The following ADCK1 variants were observed in gnomAD, a reference collection of about 807,000 sequenced individuals.
ADCK1 encodes aarF domain-containing protein kinase 1.
ADCK1 carries 41 observed loss-of-function variants against 52.3 expected under a neutral mutation model. The observed-to-expected ratio is 0.78, with a 90% CI of 0.61 to 1.02. The LOEUF (loss-of-function observed/expected upper bound fraction) is 1.02, where lower values mean the gene tolerates loss of function less well. Among genes scored for constraint, ADCK1 ranks in the 50% least tolerant of loss-of-function variants. The pLI, the probability that ADCK1 is intolerant of heterozygous loss-of-function variation, is 0.00. For synonymous variants in ADCK1, 250 were observed against 274.6 expected (o/e 0.91, Z 0.89); for missense variants, 658 against 679.5 (o/e 0.97, Z 0.35).
chr14:77,903,575 A>T (rs1239808996), intron 6 of ADCK1, among the ~76,000 whole-genome samples: 1 of 152,228 alleles, frequency 6.6e-6, no homozygotes, highest in African/African-American at 2.4e-5. Flanking sequence ...CGTATGTGCC[A>T]GGGGATGGAA....
At chr14:77,871,694 G>C (rs1001720591) in intron 4 of ADCK1, among the ~76,000 whole-genome samples, 1 of 152,106 alleles carries the variant, frequency 6.6e-6, no homozygotes, top group Admixed American at 6.5e-5. Context: ...GAAGTCCCAG[G>C]GAGTCTCTGG....
chr14:77,865,456 C>T (rs912298599), intron 4 of ADCK1, among the ~76,000 whole-genome samples: 16 of 152,182 alleles, frequency 1.1e-4, no homozygotes, highest in African/African-American at 3.6e-4. Context: ...GCACTCCAGC[C>T]TGGGTGACAG....
chr14:77,865,101 G>A (rs2082634695), intron 4 of ADCK1, among the ~76,000 whole-genome samples: 1 of 151,630 alleles, frequency 6.6e-6, no homozygotes, highest in African/African-American at 2.4e-5. Context: ...GGGCAATATA[G>A]GGAGACCCCA....
chr14:77,849,577 G>T (rs138142900), intron 3 of ADCK1, among the ~76,000 whole-genome samples: 10 of 152,050 alleles, frequency 6.6e-5, no homozygotes, highest in African/African-American at 2.4e-4. Context: ...TCAAGTAGCT[G>T]GGACTACAGG....
chr14:77,818,121 C>T (rs1251996648), intron 1 of ADCK1, among the ~76,000 whole-genome samples: 1 of 152,204 alleles, frequency 6.6e-6, no homozygotes, highest in Non-Finnish European at 1.5e-5. Flanking sequence ...TCCTGAGTAG[C>T]CGCCATTTTG....
intron 1 of ADCK1, among the ~76,000 whole-genome samples, chr14:77,807,290 G>A (rs1416857828): frequency 1.3e-5 from 2 of 148,652 alleles, no homozygotes; most frequent in African/African-American, 2.5e-5. Flanking sequence ...GGATGGTCTC[G>A]ATCTCCTGAC....
intron 9 of ADCK1, among the ~76,000 whole-genome samples, chr14:77,931,267 T>C (rs1275278782): frequency 1.3e-5 from 2 of 152,202 alleles, no homozygotes; most frequent in African/African-American, 4.8e-5. Context: ...TCGCAATGTA[T>C]ACTGTGTCAC....
intron 4 of ADCK1, among the ~76,000 whole-genome samples, chr14:77,871,053 T>C (rs879326615): frequency 6.6e-6 from 1 of 152,228 alleles, no homozygotes; most frequent in Non-Finnish European, 1.5e-5. Flanking sequence ...ACAATGAACA[T>C]ACTGGCCAAC....
Position 77,899,125 on chromosome 14 carries a change from T to C in ADCK1, c.608T>C (p.Leu203Pro). The C allele has an allele frequency of 6.2e-7, 1 of 1,614,082 alleles. No homozygotes were observed. The highest frequency in any genetic ancestry group is 8.5e-7 in the Non-Finnish European group (1 of 1,180,036). Residue 203 changes from leucine to proline, a missense_variant, in exon 6 of 11, where the codon CTG becomes CCG. Coordinates refer to ENST00000238561, the MANE Select transcript of ADCK1 (RefSeq NM_020421.4). Reference sequence around the variant, plus strand: ...GTGCTCGTTCTGGCTGTGAAGCAGCTGTTCCCAGAGTTTGAGTTTATGTGG... The same window carrying C: ...GTGCTCGTTCTGGCTGTGAAGCAGCCGTTCCCAGAGTTTGAGTTTATGTGG... ...MEVLVLAVKQ[L>P]FPEFEFMWLV...
chr14:77,837,850 T>C (rs1469233120), intron 3 of ADCK1, among the ~76,000 whole-genome samples: 1 of 152,210 alleles, frequency 6.6e-6, no homozygotes, highest in East Asian at 1.9e-4. Context: ...TATTAACATG[T>C]TGACAAAGTT....
intron 1 of ADCK1, among the ~76,000 whole-genome samples, chr14:77,800,555 G>A (rs1243437301): frequency 6.6e-6 from 1 of 152,258 alleles, no homozygotes; most frequent in Non-Finnish European, 1.5e-5. Flanking sequence ...TGTGAGTTCC[G>A]AGGCAGAAGC....
intron 10 of ADCK1, 106 bp from the exon 11 acceptor site, chr14:77,933,114 C>G: frequency 8.5e-7 from 1 of 1,177,282 alleles, no homozygotes; most frequent in South Asian, 1.5e-5. Context: ...GGGCAGGGAG[C>G]TGGTGAGTTG....
At chr14:77,835,011 C>T (rs1380217476) in intron 3 of ADCK1, among the ~76,000 whole-genome samples, 1 of 152,162 alleles carries the variant, frequency 6.6e-6, no homozygotes, top group Non-Finnish European at 1.5e-5. Context: ...GTTTTCTGAC[C>T]CGCCCTGGAC....
chr14:77,840,270 C>T (rs1383369237), intron 3 of ADCK1, among the ~76,000 whole-genome samples: 3 of 152,098 alleles, frequency 2.0e-5, no homozygotes, highest in African/African-American at 4.8e-5. Context: ...ACGGTTCTCA[C>T]TGGGAGAAAA....
At chr14:77,820,069 C>T (rs1199054343) in intron 2 of ADCK1, among the ~76,000 whole-genome samples, 7 of 152,036 alleles carry the variant, frequency 4.6e-5, no homozygotes, top group African/African-American at 7.2e-5. Context: ...TTTTTTTGGT[C>T]GAGCATTGTC....
intron 1 of ADCK1, among the ~76,000 whole-genome samples, chr14:77,802,280 G>T (rs888569949): frequency 6.6e-6 from 1 of 152,042 alleles, no homozygotes; most frequent in Admixed American, 6.6e-5. Context: ...TAGCTCTCCC[G>T]TTGGAAGCTC....
intron 3 of ADCK1, among the ~76,000 whole-genome samples, chr14:77,852,673 A>ATATTTTTATATATATATATATAT (rs1566667046): frequency 1.1e-4 from 2 of 18,128 alleles, no homozygotes; most frequent in East Asian, 4.2e-3. Flanking sequence ...ATATATATAT[A>ATATTTTTATATATATATATATAT]TATATATATA....
intron 3 of ADCK1, among the ~76,000 whole-genome samples, chr14:77,847,015 C>T (rs1414812756): frequency 1.3e-5 from 2 of 152,068 alleles, no homozygotes; most frequent in Admixed American, 6.6e-5. Context: ...AGGGGAGAGG[C>T]GTGGCACGGA....
At chr14:77,870,524 C>T (rs2082753635) in intron 4 of ADCK1, among the ~76,000 whole-genome samples, 1 of 152,098 alleles carries the variant, frequency 6.6e-6, no homozygotes, top group South Asian at 2.1e-4. Flanking sequence ...ATGGAGGGAG[C>T]CAAAGGAGGG....
Sources: gnomAD v4.1 joint callset for allele counts (sites outside exome capture counted in the v4.1 genomes callset) on GRCh38, gnomAD v4.1.1 for gene constraint, MANE v1.5 for transcripts, NCBI Gene and HGNC (gene_info 2026-07-23, HGNC 2026-07-21) for gene names.